Variants in CAMK2D observed in about 807,000 individuals in gnomAD.
The protein encoded by CAMK2D is calcium/calmodulin dependent protein kinase II delta.
A neutral mutation model predicts 84.0 loss-of-function variants in CAMK2D; 37 were observed. The ratio of observed to expected loss-of-function variants is 0.44; its 90% CI spans 0.34 to 0.58. The LOEUF is 0.58. Among genes scored for constraint, CAMK2D ranks in the 20% least tolerant of loss-of-function variants. The pLI is 0.02. For synonymous variants in CAMK2D, 202 were observed against 212.5 expected (o/e 0.95, Z 0.43); for missense variants, 448 against 652.5 (o/e 0.69, Z 3.41).
At chr4:113,494,859 C>T (rs2097906152) in intron 16 of CAMK2D, among the ~76,000 whole-genome samples, 1 of 152,228 alleles carries the variant, frequency 6.6e-6, no homozygotes, top group Admixed American at 6.5e-5. Context: ...GTTTTTTAAG[C>T]CCGTCGGAAA....
chr4:113,556,087 T>C (rs1379347948), intron 4 of CAMK2D, among the ~76,000 whole-genome samples: 1 of 152,182 alleles, frequency 6.6e-6, no homozygotes, highest in Non-Finnish European at 1.5e-5. Context: ...AGCTATGGTA[T>C]TCTGTTAAGC....
At chr4:113,680,122 G>A (rs1396453707) in intron 2 of CAMK2D, among the ~76,000 whole-genome samples, 1 of 151,950 alleles carries the variant, frequency 6.6e-6, no homozygotes, top group East Asian at 1.9e-4. Flanking sequence ...GCCCAAGCCA[G>A]TCACAAATTT....
chr4:113,605,637 GA>G (rs1332184149), intron 4 of CAMK2D, among the ~76,000 whole-genome samples: 1 of 152,132 alleles, frequency 6.6e-6, no homozygotes, highest in Non-Finnish European at 1.5e-5. Context: ...AATGTATTAA[GA>G]AATAACATGT....
chr4:113,474,122 C>T (rs2097576889), intron 16 of CAMK2D, among the ~76,000 whole-genome samples: 1 of 152,164 alleles, frequency 6.6e-6, no homozygotes, highest in African/African-American at 2.4e-5. Flanking sequence ...AGCTGACTTG[C>T]AGAAGCTAGA....
At chr4:113,553,927 T>C (rs1356180064) in intron 4 of CAMK2D, among the ~76,000 whole-genome samples, 2 of 152,176 alleles carry the variant, frequency 1.3e-5, no homozygotes, top group African/African-American at 2.4e-5. Flanking sequence ...TTTCTTCCTT[T>C]GAATGTGACT....
At chr4:113,558,609 G>A (rs1225324635) in intron 4 of CAMK2D, among the ~76,000 whole-genome samples, 5 of 152,138 alleles carry the variant, frequency 3.3e-5, no homozygotes, top group East Asian at 1.9e-4. Context: ...GAGGGTCCTC[G>A]ATTCAATCTT....
intron 2 of CAMK2D, among the ~76,000 whole-genome samples, chr4:113,678,111 A>G (rs2099326477): frequency 6.6e-6 from 1 of 152,138 alleles, no homozygotes; most frequent in Non-Finnish European, 1.5e-5. Flanking sequence ...CCCTTTTTGT[A>G]AGAGTTGTCA....
intron 3 of CAMK2D, among the ~76,000 whole-genome samples, chr4:113,627,572 T>C (rs1455214895): frequency 2.6e-5 from 4 of 152,182 alleles, no homozygotes; most frequent in African/African-American, 9.6e-5. Context: ...AACTCATGCA[T>C]GAATGAAGCT....
intron 3 of CAMK2D, among the ~76,000 whole-genome samples, chr4:113,618,957 AT>A (rs1316677921): frequency 6.6e-6 from 1 of 152,168 alleles, no homozygotes; most frequent in African/African-American, 2.4e-5. Context: ...ATAATTATCT[AT>A]TTATCATGAA....
chr4:113,649,284 T>C (rs148420594), intron 3 of CAMK2D, among the ~76,000 whole-genome samples: 5 of 152,234 alleles, frequency 3.3e-5, no homozygotes, highest in African/African-American at 1.2e-4. Flanking sequence ...AAAACTGATA[T>C]AATCATGAGT....
chr4:113,754,144 T>C (rs1235952060), intron 2 of CAMK2D: 4 of 899,628 alleles, frequency 4.4e-6, no homozygotes, highest in Non-Finnish European at 5.3e-6. Context: ...ATTTAATGCA[T>C]TGCAGTGTAG....
intron 3 of CAMK2D, among the ~76,000 whole-genome samples, chr4:113,629,908 T>C (rs770650774): frequency 2.6e-5 from 4 of 151,422 alleles, no homozygotes; most frequent in Non-Finnish European, 5.9e-5. Context: ...TAATTCACAA[T>C]GTTTAAAAAA....
intron 2 of CAMK2D, among the ~76,000 whole-genome samples, chr4:113,704,701 C>T (rs2099437177): frequency 6.6e-6 from 1 of 151,992 alleles, no homozygotes; most frequent in Non-Finnish European, 1.5e-5. Flanking sequence ...TTCTCATACA[C>T]ACTATAAAGC....
chr4:113,518,085 T>C (rs1293427408), intron 8 of CAMK2D, among the ~76,000 whole-genome samples: 1 of 152,184 alleles, frequency 6.6e-6, no homozygotes, highest in African/African-American at 2.4e-5. Context: ...CATTGGGACA[T>C]TTTGTTGAGT....
intron 4 of CAMK2D, 37 bp from the exon 5 acceptor site, chr4:113,552,133 A>G: frequency 8.3e-7 from 1 of 1,204,108 alleles, no homozygotes; most frequent in Non-Finnish European, 1.2e-6. Context: ...TTTAAAAAGA[A>G]GCAAAAAAAA....
intron 3 of CAMK2D, among the ~76,000 whole-genome samples, chr4:113,648,292 T>G (rs1469735419): frequency 6.6e-6 from 1 of 152,202 alleles, no homozygotes; most frequent in South Asian, 2.1e-4. Context: ...AGAATGAAAG[T>G]AATCTAAGAA....
At chr4:113,462,294 GTC>G (rs72096209) in intron 17 of CAMK2D, among the ~76,000 whole-genome samples, 27,823 of 127,342 alleles carry the variant, frequency 0.22, 3,382 homozygotes, top group Non-Finnish European at 0.26. Flanking sequence ...GTGTGTGTGT[GTC>G]TGTCTGTCTG....
chr4:113,494,499 T>G (rs2097898037), intron 16 of CAMK2D, among the ~76,000 whole-genome samples: 1 of 152,192 alleles, frequency 6.6e-6, no homozygotes, highest in African/African-American at 2.4e-5. Context: ...CTGCCTGTTC[T>G]CAGATCTCCA....
chr4:113,475,818 C>T (rs1241358642), intron 16 of CAMK2D, among the ~76,000 whole-genome samples: 1 of 152,186 alleles, frequency 6.6e-6, no homozygotes, highest in Non-Finnish European at 1.5e-5. Flanking sequence ...AAAATAGTAG[C>T]TTGTGCTTTC....
Sources: gnomAD v4.1 joint callset for allele counts (sites outside exome capture counted in the v4.1 genomes callset) on GRCh38, gnomAD v4.1.1 for gene constraint, MANE v1.5 for transcripts, NCBI Gene and HGNC (gene_info 2026-07-23, HGNC 2026-07-21) for gene names.